The following SCARA5 variants were observed in gnomAD, a reference collection of about 807,000 sequenced individuals.
SCARA5 encodes scavenger receptor class A member 5, also known as scavenger receptor class A, member 5 (putative).
In SCARA5, 45 loss-of-function variants were observed where a neutral mutation model predicts 46.3. The ratio of observed to expected loss-of-function variants is 0.97; its 90% CI spans 0.76 to 1.24. The LOEUF is 1.24. Among genes scored for constraint, SCARA5 ranks in the 50% most tolerant of loss-of-function variants. The pLI, the probability that SCARA5 is intolerant of heterozygous loss-of-function variation, is 0.00. For missense variants in SCARA5, 680 were observed against 689.0 expected (o/e 0.99, Z 0.15); for synonymous variants, 333 against 306.5 (o/e 1.09, Z -0.90).
chr8:27,887,461 C>T (rs1451116975), intron 7 of SCARA5, among the ~76,000 whole-genome samples: 2 of 152,180 alleles, frequency 1.3e-5, no homozygotes, highest in African/African-American at 4.8e-5. Context: ...CTGGTCCCTA[C>T]CAGCTCTGTG....
intron 8 of SCARA5, among the ~76,000 whole-genome samples, chr8:27,873,779 T>C (rs1020046207): frequency 3.9e-5 from 6 of 152,170 alleles, no homozygotes; most frequent in Non-Finnish European, 8.8e-5. Flanking sequence ...CTCAGCACTT[T>C]GGGAGGCTGA....
chr8:27,872,988 C>G lies in SCARA5; in HGVS notation c.1352-918G>C, dbSNP rs538086797. ...CACTGCGGTGGCGGGGGATCATTCC[C>G]GGAGGAATTTGCCAGCAAACTCTCT... On this transcript the variant is annotated intron_variant, in intron 8 of 8. Coordinates refer to ENST00000354914, the MANE Select transcript of SCARA5 (RefSeq NM_173833.6). Among the ~76,000 whole-genome samples the G allele has an allele frequency of 2.0e-5, 3 of 152,248 alleles. No individual in the cohort carries two copies. In the South Asian group the frequency reaches 6.2e-4, roughly 32 times the overall value.
At chr8:27,907,570 C>T (rs1490816233) in intron 5 of SCARA5, among the ~76,000 whole-genome samples, 1 of 88,286 alleles carries the variant, frequency 1.1e-5, no homozygotes, top group African/African-American at 4.3e-5. Context: ...AATCAGCAAA[C>T]ACTTTTTTTT....
intron 7 of SCARA5, among the ~76,000 whole-genome samples, chr8:27,898,751 T>C (rs1168076927): frequency 6.6e-6 from 1 of 152,202 alleles, no homozygotes; most frequent in South Asian, 2.1e-4. Flanking sequence ...ATTAGGAAGT[T>C]GGACCATTCA....
At position 27,910,674 on chromosome 8, in the gene SCARA5, G is replaced by A. The variant is rs558648613; in HGVS notation, c.917-931C>T. Among the ~76,000 whole-genome samples the A allele has an allele frequency of 8.5e-5, 13 of 152,366 alleles. 1 individual carries two copies. The highest frequency in any genetic ancestry group is 3.1e-4 in the African/African-American group (13 of 41,588). ...GTGGGAGGTGAGACCCCTGGATGAG[G>A]AGTGCGGCCATCAGAGGGATGTCAG... On this transcript the variant is annotated intron_variant, in intron 4 of 8. Coordinates refer to ENST00000354914, the MANE Select transcript of SCARA5 (RefSeq NM_173833.6).
intron 7 of SCARA5, among the ~76,000 whole-genome samples, chr8:27,890,031 C>G (rs1806957641): frequency 6.6e-6 from 1 of 152,146 alleles, no homozygotes. Flanking sequence ...GAATTACTAC[C>G]ACATTCCAGG....
At chr8:27,898,353 C>T (rs543122731) in intron 7 of SCARA5, among the ~76,000 whole-genome samples, 25 of 152,300 alleles carry the variant, frequency 1.6e-4, no homozygotes, top group African/African-American at 6.0e-4. Context: ...ACCAGAATGT[C>T]TGGAAGGCCA....
At chr8:27,909,188 A>T (rs1345743493) in intron 5 of SCARA5, 1 of 152,792 alleles carries the variant, frequency 6.5e-6, no homozygotes, top group African/African-American at 2.4e-5. Flanking sequence ...GTGCAGCAGG[A>T]TGGGGAGGGG....
At chr8:27,931,264 G>T (rs1243144227) in intron 3 of SCARA5, among the ~76,000 whole-genome samples, 2 of 152,130 alleles carry the variant, frequency 1.3e-5, no homozygotes, top group African/African-American at 2.4e-5. Context: ...CCATGCTGGG[G>T]GTTTAATTCT....
chr8:27,930,551 C>T (rs184655827), intron 3 of SCARA5, among the ~76,000 whole-genome samples: 111 of 152,106 alleles, frequency 7.3e-4, no homozygotes, highest in Admixed American at 2.7e-3. Context: ...TACAGGCATG[C>T]GCCACCATGC....
At chr8:27,927,378 A>G (rs1436191471) in intron 3 of SCARA5, among the ~76,000 whole-genome samples, 1 of 152,240 alleles carries the variant, frequency 6.6e-6, no homozygotes, top group African/African-American at 2.4e-5. Context: ...AAATAGTCAC[A>G]TAAACCTAAA....
intron 3 of SCARA5, among the ~76,000 whole-genome samples, chr8:27,928,707 T>C (rs1453671552): frequency 6.6e-6 from 1 of 152,106 alleles, no homozygotes; most frequent in African/African-American, 2.4e-5. Context: ...GCTTTGTTGC[T>C]CAGGCTGGAG....
rs181275511 is a variant in SCARA5 at position 27,901,564 on chromosome 8, C to T, written c.1153+3214G>A. On this transcript the variant is annotated intron_variant, in intron 7 of 8. Transcript: ENST00000354914. Reference sequence around the variant, plus strand: ...GCTCTCCCCCACAGAGCCCGGGTCTCAGGGATATGGTTAATGCTTCTGGGA... The same window carrying T: ...GCTCTCCCCCACAGAGCCCGGGTCTTAGGGATATGGTTAATGCTTCTGGGA... 3.3e-3 allele frequency among the ~76,000 whole-genome samples: 501 copies of T among 152,202 alleles called. 1 individual carries two copies. Among genetic ancestry groups the T allele is most frequent in the African/African-American group, 0.012 (487 of 41,544 alleles).
At chr8:27,907,091 C>T (rs960496476) in intron 6 of SCARA5, 57 bp downstream of exon 6, 29 of 1,288,546 alleles carry the variant, frequency 2.3e-5, no homozygotes, top group Non-Finnish European at 3.0e-5. Flanking sequence ...CATGCCAATG[C>T]CCATGTGCTG....
intron 7 of SCARA5, among the ~76,000 whole-genome samples, chr8:27,895,837 GC>G (rs1807056737): frequency 6.6e-6 from 1 of 152,194 alleles, no homozygotes; most frequent in African/African-American, 2.4e-5. Flanking sequence ...TGTCTCCCCA[GC>G]CGTGCTTCAT....
chr8:27,890,875 CTCT>C (rs1237761514), intron 7 of SCARA5, among the ~76,000 whole-genome samples: 2 of 152,212 alleles, frequency 1.3e-5, no homozygotes, highest in African/African-American at 4.8e-5. Context: ...TTCACCCTGT[CTCT>C]TCTTTGGATG....
chr8:27,987,555 C>T lies in SCARA5; in HGVS notation c.61G>A (p.Glu21Lys), dbSNP rs1450258360. The change falls in exon 2 of 9, where the codon GAG becomes AAG. Residue 21 changes from glutamate (E) to lysine (K), a missense_variant. Physicochemically the swap from Glu to Lys is moderately conservative, Grantham distance 56. Coordinates refer to ENST00000354914, the MANE Select transcript of SCARA5 (RefSeq NM_173833.6). Reference sequence around the variant, plus strand: ...AGGCTCCTGCCATCAAAGGAATCCTCACAGATGGAGCTGGTGTCACAGTCG... The same window carrying T: ...AGGCTCCTGCCATCAAAGGAATCCTTACAGATGGAGCTGGTGTCACAGTCG... ...VSDCDTSSIC[E>K]DSFDGRSLSK... 1 of 1,614,182 alleles carries T rather than the reference C, an allele frequency of 6.2e-7. No individual in the cohort carries two copies. Among genetic ancestry groups the T allele is most frequent in the Non-Finnish European group, 8.5e-7 (1 of 1,180,012 alleles).
intron 2 of SCARA5, among the ~76,000 whole-genome samples, chr8:27,983,751 C>A (rs1184007567): frequency 1.3e-5 from 2 of 152,182 alleles, no homozygotes; most frequent in Admixed American, 1.3e-4. Flanking sequence ...CTCATCACAC[C>A]CAGCAGGAAC....
At chr8:27,987,414 A>T in intron 2 of SCARA5, 90 bp downstream of exon 2, 1 of 835,380 alleles carries the variant, frequency 1.2e-6, no homozygotes, top group Non-Finnish European at 2.1e-6. Context: ...ACAAGCACTT[A>T]AAGGCAATGC....
Sources: allele counts gnomAD v4.1 joint callset (sites outside exome capture counted in the v4.1 genomes callset), GRCh38; gene constraint gnomAD v4.1.1; transcripts MANE v1.5; gene names NCBI Gene and HGNC (gene_info 2026-07-23, HGNC 2026-07-21).